The following FIGN variants were observed in gnomAD, a reference collection of about 807,000 sequenced individuals.
The protein encoded by FIGN is fidgetin.
FIGN carries 11 observed loss-of-function variants against 51.3 expected under a neutral mutation model. That is an observed-to-expected ratio of 0.21 (90% CI 0.13 to 0.35). The LOEUF (loss-of-function observed/expected upper bound fraction) is 0.35. FIGN is among the 10% of genes least tolerant of loss of function. The probability of loss-of-function intolerance (pLI) is 1.00; values close to 1 mark genes in which losing one functional copy is unlikely to be tolerated. For missense variants in FIGN, 857 were observed against 943.6 expected (o/e 0.91, Z 1.20); for synonymous variants, 407 against 363.2 (o/e 1.12, Z -1.37).
At chr2:163,718,005 T>C (rs1411841649) in intron 2 of FIGN, among the ~76,000 whole-genome samples, 3 of 151,850 alleles carry the variant, frequency 2.0e-5, no homozygotes, top group Non-Finnish European at 2.9e-5. Context: ...AACAAAAAAC[T>C]GTCCAAGCAG....
intron 2 of FIGN, among the ~76,000 whole-genome samples, chr2:163,630,191 C>T (rs1559001905): frequency 2.0e-5 from 3 of 151,698 alleles, no homozygotes; most frequent in Non-Finnish European, 4.4e-5. Context: ...GTCTCAATCT[C>T]CTAGACACAA....
chr2:163,648,758 C>T (rs1683422602), intron 2 of FIGN, among the ~76,000 whole-genome samples: 2 of 152,314 alleles, frequency 1.3e-5, no homozygotes, highest in South Asian at 2.1e-4. Flanking sequence ...AATCAATCAT[C>T]AGTGCTCCCA....
chr2:163,718,879 T>C (rs2105361544), intron 2 of FIGN, among the ~76,000 whole-genome samples: 1 of 152,192 alleles, frequency 6.6e-6, no homozygotes, highest in African/African-American at 2.4e-5. Context: ...ACAGATTATA[T>C]GGATAACTAT....
At chr2:163,673,296 A>G (rs573404229) in intron 2 of FIGN, among the ~76,000 whole-genome samples, 1 of 152,290 alleles carries the variant, frequency 6.6e-6, no homozygotes, top group South Asian at 2.1e-4. Flanking sequence ...GAAGAAAGCT[A>G]TAGAAACAGG....
At chr2:163,728,719 G>A (rs1361693947) in intron 2 of FIGN, among the ~76,000 whole-genome samples, 1 of 152,138 alleles carries the variant, frequency 6.6e-6, no homozygotes, top group Non-Finnish European at 1.5e-5. Flanking sequence ...TGTAGGTGGT[G>A]AAGGCAGGGC....
intron 2 of FIGN, among the ~76,000 whole-genome samples, chr2:163,673,374 T>C (rs1480137071): frequency 6.6e-6 from 1 of 152,118 alleles, no homozygotes; most frequent in Non-Finnish European, 1.5e-5. Flanking sequence ...CAAGGCAAAA[T>C]TTTTAAGCCA....
chr2:163,702,584 G>A (rs1176033081), intron 2 of FIGN, among the ~76,000 whole-genome samples: 1 of 151,560 alleles, frequency 6.6e-6, no homozygotes, highest in African/African-American at 2.4e-5. Context: ...AGGCTACTCT[G>A]AAAGAAAAAA....
chr2:163,660,736 TAC>T lies in FIGN; in HGVS notation c.26-48932_26-48931del, dbSNP rs1409758033. Among the ~76,000 whole-genome samples, 8 of 111,200 alleles carry T rather than the reference TAC, an allele frequency of 7.2e-5. 1 individual carries two copies. Among genetic ancestry groups the T allele is most frequent in the African/African-American group, 2.8e-4 (8 of 28,690 alleles). The allele number at this position is 111,200 out of a possible 152,430, so 73.0% of individuals were successfully genotyped here. A position where few individuals can be genotyped will look rare whatever the true frequency, so the allele number is the denominator to read the frequency against. On this transcript the variant is annotated intron_variant, in intron 2 of 2. Transcript: ENST00000333129. ...ATATACATATATATGTATACACATA[TAC>T]ATATATATGTATACACATATACATA...
chr2:163,616,791 C>T (rs1045108802), intron 2 of FIGN, among the ~76,000 whole-genome samples: 6 of 152,080 alleles, frequency 3.9e-5, no homozygotes, highest in Admixed American at 3.9e-4. Flanking sequence ...TAATACTTTA[C>T]AGCCTCTTCT....
chr2:163,682,127 T>A (rs1307389571), intron 2 of FIGN, among the ~76,000 whole-genome samples: 1 of 152,176 alleles, frequency 6.6e-6, no homozygotes, highest in Non-Finnish European at 1.5e-5. Flanking sequence ...CCTGTTGCAA[T>A]CTTTTGTTAA....
intron 2 of FIGN, among the ~76,000 whole-genome samples, chr2:163,662,347 G>A (rs1279870696): frequency 6.6e-6 from 1 of 152,176 alleles, no homozygotes; most frequent in East Asian, 1.9e-4. Flanking sequence ...TTCAGAAGGT[G>A]ACTTGGCTGC....
intron 2 of FIGN, among the ~76,000 whole-genome samples, chr2:163,649,745 A>G (rs1423558360): frequency 6.6e-6 from 1 of 152,252 alleles, no homozygotes; most frequent in African/African-American, 2.4e-5. Context: ...AAGCAGCAAT[A>G]GATAACCAGA....
At chr2:163,708,272 T>C (rs866508726) in intron 2 of FIGN, among the ~76,000 whole-genome samples, 8 of 127,956 alleles carry the variant, frequency 6.3e-5, no homozygotes, top group Middle Eastern at 3.7e-3. Flanking sequence ...AACCAGTGCC[T>C]TAATTAACTA....
At chr2:163,634,774 T>C (rs1023115554) in intron 2 of FIGN, among the ~76,000 whole-genome samples, 9 of 152,222 alleles carry the variant, frequency 5.9e-5, no homozygotes, top group South Asian at 2.1e-4. Context: ...AGAGGAGTGT[T>C]ATAACTCTCT....
chr2:163,734,429 G>A (rs1168287347), intron 2 of FIGN, among the ~76,000 whole-genome samples: 1 of 149,488 alleles, frequency 6.7e-6, no homozygotes, highest in Non-Finnish European at 1.5e-5. Context: ...TGCATTAATA[G>A]ATTGAGAAAA....
At position 163,733,913 on chromosome 2, in the gene FIGN, A is replaced by G. The variant is rs545942982; in HGVS notation, c.25+990T>C. On this transcript the variant is annotated intron_variant, in intron 2 of 2. Coordinates refer to ENST00000333129, the MANE Select transcript of FIGN (RefSeq NM_018086.4). Reference sequence around the variant, plus strand: ...TCTTTCTCTCTTTTCAGGAGGAATTAACGGTCATGGGGTAAACATAGCAAC... The same window carrying G: ...TCTTTCTCTCTTTTCAGGAGGAATTGACGGTCATGGGGTAAACATAGCAAC... 1.2e-4 allele frequency among the ~76,000 whole-genome samples: 18 copies of G among 148,264 alleles called. No individual in the cohort carries two copies. The Admixed American group carries it at 1.2e-3, about 10-fold the overall frequency.
intron 2 of FIGN, among the ~76,000 whole-genome samples, chr2:163,632,736 G>T (rs1683166647): frequency 6.6e-6 from 1 of 152,158 alleles, no homozygotes; most frequent in Non-Finnish European, 1.5e-5. Context: ...TGGTGTTCTA[G>T]GAGAAAGAAC....
At chr2:163,700,405 G>A (rs1453351568) in intron 2 of FIGN, among the ~76,000 whole-genome samples, 1 of 152,122 alleles carries the variant, frequency 6.6e-6, no homozygotes, top group Non-Finnish European at 1.5e-5. Flanking sequence ...GGACACTGGG[G>A]CAGGGCTCTG....
At chr2:163,698,063 A>T (rs968242247) in intron 2 of FIGN, among the ~76,000 whole-genome samples, 6 of 152,238 alleles carry the variant, frequency 3.9e-5, no homozygotes, top group Non-Finnish European at 7.4e-5. Flanking sequence ...CTTTGGAATG[A>T]GAAAGATGTG....
Sources: allele counts gnomAD v4.1 joint callset (sites outside exome capture counted in the v4.1 genomes callset), GRCh38; gene constraint gnomAD v4.1.1; transcripts MANE v1.5; gene names NCBI Gene and HGNC (gene_info 2026-07-23, HGNC 2026-07-21).